Variants in TPPP observed in about 807,000 individuals in gnomAD.
TPPP encodes the protein tubulin polymerization promoting protein, also known as tubulin polymerization-promoting protein.
TPPP carries 6 observed loss-of-function variants against 15.5 expected under a neutral mutation model. That is an observed-to-expected ratio of 0.39 (90% CI 0.21 to 0.77). TPPP has a LOEUF of 0.77. Among genes scored for constraint, TPPP ranks in the 30% least tolerant of loss-of-function variants. TPPP has a pLI of 0.42. For synonymous variants in TPPP, 146 were observed against 133.9 expected (o/e 1.09, Z -0.63); for missense variants, 269 against 307.2 (o/e 0.88, Z 0.93).
intron 1 of TPPP, among the ~76,000 whole-genome samples, chr5:683,738 G>T (rs1269820013): frequency 1.3e-5 from 2 of 152,276 alleles, no homozygotes; most frequent in African/African-American, 4.8e-5. Flanking sequence ...AGGGGTGGGG[G>T]CCGAGGCGCT....
upstream of TPPP, among the ~76,000 whole-genome samples, chr5:697,277 G>C (rs439737): frequency 0.67 from 82,363 of 123,620 alleles, 27,361 homozygotes; most frequent in Middle Eastern, 0.71. Context: ...CTGATGAGGA[G>C]GGGAAGCCAA....
rs762357148 is a variant in TPPP, at chr5:677,786, G to T, written c.275C>A (p.Thr92Asn). The change falls in exon 2 of 4, where the codon ACC becomes AAC. Residue 92 changes from threonine (T) to asparagine (N), a missense_variant. By Grantham distance (65) the Thr-to-Asn change is moderately conservative. Transcript: ENST00000360578. ...GAAGACGATGTCCACGTCAGTGACG[G>T]TCACGTTCCTGCCGTCGATCACCTG... ...DCQVIDGRNV[T>N]VTDVDIVFSK... 1 of 1,595,130 alleles carries T rather than the reference G, an allele frequency of 6.3e-7. No homozygotes were observed. Among genetic ancestry groups the T allele is most frequent in the South Asian group, 1.1e-5 (1 of 89,328 alleles).
intron 2 of TPPP, 23 bp from the exon 3 acceptor site, chr5:666,146 G>GGGCACAGGCGACTTAT (rs2126867122): frequency 6.2e-7 from 1 of 1,605,098 alleles, no homozygotes; most frequent in African/African-American, 1.4e-5. Flanking sequence ...AGGCGACTTA[G>GGGCACAGGCGACTTAT]GGCTGGGCGC....
intron 1 of TPPP, among the ~76,000 whole-genome samples, chr5:678,938 C>A (rs1406853472): frequency 1.3e-5 from 2 of 152,088 alleles, no homozygotes; most frequent in Non-Finnish European, 2.9e-5. Flanking sequence ...CCCAGTCAGG[C>A]CCTGAAGGAC....
chr5:699,967 A>C, the TPPP span, among the ~76,000 whole-genome samples: 1 of 151,960 alleles, frequency 6.6e-6, no homozygotes, highest in Non-Finnish European at 1.5e-5. Flanking sequence ...AGATGTGGAG[A>C]AAGGGGAATG....
chr5:699,658 T>G, the TPPP span, among the ~76,000 whole-genome samples: 66 of 151,864 alleles, frequency 4.3e-4, no homozygotes, highest in African/African-American at 1.5e-3. Flanking sequence ...CAAAAGAAAC[T>G]ATCAACAGGG....
chr5:697,530 T>A (rs1355502261), upstream of TPPP, among the ~76,000 whole-genome samples: 1 of 151,986 alleles, frequency 6.6e-6, no homozygotes, highest in East Asian at 1.9e-4. Context: ...GTGTCTGCAG[T>A]GGAGAGGACA....
intron 2 of TPPP, among the ~76,000 whole-genome samples, chr5:673,059 G>A (rs1464805534): frequency 1.3e-5 from 2 of 152,170 alleles, no homozygotes; most frequent in African/African-American, 4.8e-5. Context: ...GCTTTCTGCA[G>A]TACCGAAGGC....
intron 2 of TPPP, among the ~76,000 whole-genome samples, chr5:668,411 CAGAGAGGGGGCCGCG>C (rs1740038042): frequency 9.6e-6 from 1 of 103,712 alleles, no homozygotes. Flanking sequence ...GACAAGCACA[CAGAGAGGGGGCCGCG>C]TGGGCGCCGT....
intron 1 of TPPP, among the ~76,000 whole-genome samples, chr5:683,234 C>T (rs1257649115): frequency 2.6e-5 from 4 of 152,198 alleles, no homozygotes; most frequent in Non-Finnish European, 5.9e-5. Flanking sequence ...CCATCTCCCT[C>T]GCACCCGATG....
At chr5:677,047 A>G (rs1231434833) in intron 2 of TPPP, among the ~76,000 whole-genome samples, 4 of 150,376 alleles carry the variant, frequency 2.7e-5, no homozygotes, top group African/African-American at 4.9e-5. Flanking sequence ...GCGGAAACGC[A>G]CACACGTGCA....
At chr5:674,267 G>A (rs536416425) in intron 2 of TPPP, among the ~76,000 whole-genome samples, 15 of 152,220 alleles carry the variant, frequency 9.9e-5, no homozygotes, top group Non-Finnish European at 1.9e-4. Context: ...GCCCGAGCCT[G>A]CTGAGGAGCA....
intron 1 of TPPP, among the ~76,000 whole-genome samples, chr5:684,134 A>G (rs1168139787): frequency 4.6e-5 from 7 of 152,198 alleles, no homozygotes; most frequent in Admixed American, 4.6e-4. Flanking sequence ...GGACCCTCCA[A>G]TGTCCCACGG....
At chr5:693,185 G>C (rs1372385652) in intron 1 of TPPP, 93 bp downstream of exon 1, 1 of 131,730 alleles carries the variant, frequency 7.6e-6, no homozygotes, top group Non-Finnish European at 1.7e-5. Context: ...CAGGGGCTGC[G>C]GCGCAGGTGG....
In TPPP at chr5:665,156, C is replaced by T. The variant is rs1402602243; in HGVS notation, c.606G>A (p.Val202=). The T allele has an allele frequency of 6.2e-7, 1 of 1,613,490 alleles. No homozygotes were observed. Among genetic ancestry groups the T allele is most frequent in the East Asian group, 2.2e-5 (1 of 44,880 alleles). ...RVDLVDESGY[V]SGYKHAGTYD... ...AGGTGCCTGCGTGCTTGTAGCCGGA[C>T]ACATAGCCTGACTCGTCCACCAGAT... The change falls in exon 4 of 4, where the codon GTG becomes GTA. Residue 202 remains valine (V), a synonymous_variant. Coordinates refer to ENST00000360578, the MANE Select transcript of TPPP (RefSeq NM_007030.3).
chr5:671,331 G>T (rs1740216006), intron 2 of TPPP, among the ~76,000 whole-genome samples: 1 of 152,146 alleles, frequency 6.6e-6, no homozygotes, highest in Non-Finnish European at 1.5e-5. Flanking sequence ...TGGACTTGGG[G>T]CCCAGAGGGA....
intron 1 of TPPP, among the ~76,000 whole-genome samples, chr5:686,974 C>T (rs998239597): frequency 7.1e-5 from 10 of 141,502 alleles, no homozygotes; most frequent in Admixed American, 6.4e-4. Flanking sequence ...GTGCCTTGAT[C>T]TTGGACTCTC....
chr5:679,083 C>T (rs575839299), intron 1 of TPPP, among the ~76,000 whole-genome samples: 5 of 152,238 alleles, frequency 3.3e-5, no homozygotes, highest in Admixed American at 6.5e-5. Context: ...TGGGAGGGTC[C>T]GTGCCGAGGA....
At chr5:681,560 C>T (rs73030873) in intron 1 of TPPP, among the ~76,000 whole-genome samples, 34,288 of 152,212 alleles carry the variant, frequency 0.23, 8,397 homozygotes, top group African/African-American at 0.62. Context: ...CGTGCCAAGC[C>T]CTGACCTGAC....
Sources: allele counts gnomAD v4.1 joint callset (sites outside exome capture counted in the v4.1 genomes callset), GRCh38; gene constraint gnomAD v4.1.1; transcripts MANE v1.5; gene names NCBI Gene and HGNC (gene_info 2026-07-23, HGNC 2026-07-21).